PALLD: variants seen among roughly 807,000 people sequenced by gnomAD.
PALLD encodes palladin, cytoskeletal associated protein, also known as palladin.
Under a neutral mutation model 123.5 loss-of-function variants are expected in PALLD, and 61 were observed. That is an observed-to-expected ratio of 0.49 (90% CI 0.40 to 0.61). The LOEUF (loss-of-function observed/expected upper bound fraction) is 0.61. Ranked by LOEUF, PALLD falls within the 20% of genes least tolerant of loss-of-function variation. The probability of loss-of-function intolerance (pLI) is 0.00; values close to 1 mark genes in which losing one functional copy is unlikely to be tolerated. For missense variants in PALLD, 1,273 were observed against 1,377.0 expected (o/e 0.92, Z 1.20); for synonymous variants, 465 against 496.4 (o/e 0.94, Z 0.84).
intron 10 of PALLD, among the ~76,000 whole-genome samples, chr4:168,742,726 G>T (rs1473040432): frequency 6.6e-6 from 1 of 152,114 alleles, no homozygotes; most frequent in Non-Finnish European, 1.5e-5. Context: ...GAAATGATGG[G>T]TGTATTTGCA....
At chr4:168,691,321 T>C in intron 8 of PALLD, 29 bp downstream of exon 8, 2 of 1,575,238 alleles carry the variant, frequency 1.3e-6, no homozygotes, top group Non-Finnish European at 8.7e-7. Flanking sequence ...TTTTTTTTTT[T>C]GGTGGTGGGG....
intron 8 of PALLD, among the ~76,000 whole-genome samples, chr4:168,691,735 C>A (rs1561405735): frequency 1.3e-5 from 2 of 151,978 alleles, no homozygotes; most frequent in Non-Finnish European, 2.9e-5. Context: ...CAAAATGGAC[C>A]CCCAGGTGTT....
intron 2 of PALLD, among the ~76,000 whole-genome samples, chr4:168,620,773 CA>C (rs1307625966): frequency 6.6e-6 from 1 of 152,172 alleles, no homozygotes; most frequent in Non-Finnish European, 1.5e-5. Flanking sequence ...AGACCCTCAC[CA>C]AATTTCTGGC....
intron 2 of PALLD, among the ~76,000 whole-genome samples, chr4:168,639,771 T>C (rs79913426): frequency 0.025 from 3,864 of 152,086 alleles, 70 homozygotes; most frequent in East Asian, 0.12. Flanking sequence ...GTCTCGATCT[T>C]CTGACCTCGT....
At chr4:168,530,308 C>A (rs1274156973) in intron 2 of PALLD, among the ~76,000 whole-genome samples, 1 of 152,174 alleles carries the variant, frequency 6.6e-6, no homozygotes, top group East Asian at 1.9e-4. Flanking sequence ...CTATTGATGT[C>A]CATTACGTGC....
chr4:168,552,627 T>A (rs1189369268), intron 2 of PALLD, among the ~76,000 whole-genome samples: 4 of 152,164 alleles, frequency 2.6e-5, no homozygotes, highest in Non-Finnish European at 5.9e-5. Context: ...TATATTCCTA[T>A]GTATTTAATA....
Position 168,545,329 on chromosome 4 carries a change from C to T in PALLD, c.908+32917C>T, listed in dbSNP as rs553060624. Among the ~76,000 whole-genome samples, 10 of 152,104 alleles carry T rather than the reference C, an allele frequency of 6.6e-5. No individual in the cohort carries two copies. In the South Asian group the frequency reaches 2.1e-3, roughly 32 times the overall value. ...ATTACCTGAGGTCAGGAGTTCAAGACCAGCCTGGCCAACATGGTGAAACCT... is the reference window on the plus strand; with the variant it reads ...ATTACCTGAGGTCAGGAGTTCAAGATCAGCCTGGCCAACATGGTGAAACCT... On this transcript the variant is annotated intron_variant, in intron 2 of 21. Transcript: ENST00000505667.
intron 2 of PALLD, among the ~76,000 whole-genome samples, chr4:168,608,587 T>G (rs1261041964): frequency 6.6e-6 from 1 of 152,210 alleles, no homozygotes; most frequent in Non-Finnish European, 1.5e-5. Flanking sequence ...GAAAGCCTCA[T>G]TAGATATTTC....
chr4:168,903,433 T>C (rs537734707), intron 14 of PALLD, among the ~76,000 whole-genome samples: 7 of 152,298 alleles, frequency 4.6e-5, no homozygotes, highest in Admixed American at 4.6e-4. Context: ...AATGGCATTC[T>C]ATGAATGCCA....
At chr4:168,756,799 G>A (rs75500536) in intron 10 of PALLD, among the ~76,000 whole-genome samples, 3,113 of 152,284 alleles carry the variant, frequency 0.02, 43 homozygotes, top group Non-Finnish European at 0.032. Flanking sequence ...GTCACCACAG[G>A]AGAAATTGTG....
At chr4:168,500,144 G>A (rs1761246039) in intron 1 of PALLD, among the ~76,000 whole-genome samples, 1 of 152,122 alleles carries the variant, frequency 6.6e-6, no homozygotes, top group Admixed American at 6.5e-5. Context: ...ATTGTTCTGA[G>A]GATCAAACTG....
At chr4:168,597,738 A>G (rs1772138976) in intron 2 of PALLD, among the ~76,000 whole-genome samples, 1 of 152,128 alleles carries the variant, frequency 6.6e-6, no homozygotes, top group Non-Finnish European at 1.5e-5. Context: ...TTTTTAGGAT[A>G]GCTGATAAAT....
intron 2 of PALLD, among the ~76,000 whole-genome samples, chr4:168,641,903 G>A (rs1196588842): frequency 6.6e-6 from 1 of 152,208 alleles, no homozygotes; most frequent in Non-Finnish European, 1.5e-5. Flanking sequence ...TATTGTTCCT[G>A]AAAAACCAGA....
chr4:168,549,527 G>T (rs924286523), intron 2 of PALLD, among the ~76,000 whole-genome samples: 1 of 151,610 alleles, frequency 6.6e-6, no homozygotes, highest in African/African-American at 2.4e-5. Context: ...TTATTTCTAC[G>T]GATTTTTCAA....
At chr4:168,876,470 G>C (rs1038886802) in intron 10 of PALLD, among the ~76,000 whole-genome samples, 1 of 152,166 alleles carries the variant, frequency 6.6e-6, no homozygotes, top group Admixed American at 6.5e-5. Flanking sequence ...TAAGAACATA[G>C]AACCATCTCC....
At chr4:168,909,700 TACTA>T (rs1042298796) in intron 15 of PALLD, among the ~76,000 whole-genome samples, 5 of 152,306 alleles carry the variant, frequency 3.3e-5, no homozygotes, top group East Asian at 1.9e-4. Flanking sequence ...CATCAGAGCC[TACTA>T]ACTATGATTA....
At chr4:168,754,724 A>T (rs1423918829) in intron 10 of PALLD, among the ~76,000 whole-genome samples, 1 of 152,170 alleles carries the variant, frequency 6.6e-6, no homozygotes, top group Non-Finnish European at 1.5e-5. Context: ...GTCCTTAAAC[A>T]TTCATTCAAT....
At chr4:168,508,378 C>G (rs1228403378) in intron 1 of PALLD, among the ~76,000 whole-genome samples, 1 of 152,154 alleles carries the variant, frequency 6.6e-6, no homozygotes, top group Non-Finnish European at 1.5e-5. Context: ...AAAACCTTCT[C>G]TTTTTCAAGG....
chr4:168,926,500 A>C lies in PALLD; in HGVS notation c.*320A>C. The C allele has an allele frequency of 2.8e-6, 2 of 712,406 alleles. No homozygotes were observed. The highest frequency in any genetic ancestry group is 2.2e-6 in the Non-Finnish European group (1 of 449,400). The allele number at this position is 712,406 out of a possible 1,614,324, so 44.1% of individuals were successfully genotyped here. A position where few individuals can be genotyped will look rare whatever the true frequency, so the allele number is the denominator to read the frequency against. On this transcript the variant is annotated 3_prime_UTR_variant, in exon 22 of 22. Transcript: ENST00000505667. ...TACCTTTGACTATAAGAAATTAAAA[A>C]AAAAACACCAAAATAATATTTTTCT...
Sources: allele counts gnomAD v4.1 joint callset (sites outside exome capture counted in the v4.1 genomes callset), GRCh38; gene constraint gnomAD v4.1.1; transcripts MANE v1.5; gene names NCBI Gene and HGNC (gene_info 2026-07-23, HGNC 2026-07-21).